Variants in ZNF462 observed in about 807,000 individuals in gnomAD.
ZNF462 encodes zinc finger PBX1-interacting protein.
A neutral mutation model predicts 201.9 loss-of-function variants in ZNF462; 10 were observed. The ratio of observed to expected loss-of-function variants is 0.05; its 90% CI spans 0.03 to 0.08. ZNF462 has a LOEUF of 0.08. Among genes scored for constraint, ZNF462 ranks in the 10% least tolerant of loss-of-function variants. ZNF462 has a pLI of 1.00. For synonymous variants in ZNF462, 1,227 were observed against 1,193.3 expected (o/e 1.03, Z -0.58); for missense variants, 2,523 against 3,168.3 (o/e 0.80, Z 4.89).
chr9:106,860,179 CG>C (rs1181807361), upstream of ZNF462, among the ~76,000 whole-genome samples: 2 of 152,054 alleles, frequency 1.3e-5, no homozygotes, highest in Non-Finnish European at 2.9e-5. The surrounding 1 kb of genome is among the most constrained non-coding windows in gnomAD (Gnocchi z 7.1). Context: ...CCCCCGCGGC[CG>C]GTTCGGGAGC....
At chr9:106,936,044 A>T (rs912412699) in intron 6 of ZNF462, among the ~76,000 whole-genome samples, 4 of 152,216 alleles carry the variant, frequency 2.6e-5, no homozygotes, top group Non-Finnish European at 5.9e-5. Context: ...GATGTGTGAG[A>T]TTTTTCAAGA....
intron 1 of ZNF462, among the ~76,000 whole-genome samples, 155 bp downstream of exon 1, chr9:106,863,510 G>A (rs1372360192): frequency 6.6e-6 from 1 of 151,004 alleles, no homozygotes; most frequent in Admixed American, 6.6e-5. Flanking sequence ...ACTGGCTGTT[G>A]GAAGAGGAGA....
In ZNF462 at chr9:106,933,958, T is replaced by C. The variant is rs1830524660; in HGVS notation, c.6116+1409T>C. ...ATAGTGAAAGATAAGGTCTAAATAC[T>C]TTAAAGGAGACCATATTTGGAGTTT... On this transcript the variant is annotated intron_variant, in intron 5 of 12. Transcript: ENST00000277225. This position sits in a 1 kb window ranked among gnomAD's most constrained non-coding sequence, Gnocchi z 4.3. Among the ~76,000 whole-genome samples the C allele has an allele frequency of 6.6e-6, 1 of 152,182 alleles. No homozygotes were observed. The highest frequency in any genetic ancestry group is 1.5e-5 in the Non-Finnish European group (1 of 68,030).
chr9:106,986,784 A>G (rs1012647147), intron 10 of ZNF462, among the ~76,000 whole-genome samples: 2 of 151,948 alleles, frequency 1.3e-5, no homozygotes, highest in African/African-American at 4.8e-5. Flanking sequence ...CTTCCTCCCA[A>G]GTCCCCAAAG....
At chr9:106,939,551 A>G (rs1372460531) in intron 7 of ZNF462, among the ~76,000 whole-genome samples, 1 of 152,166 alleles carries the variant, frequency 6.6e-6, no homozygotes, top group Non-Finnish European at 1.5e-5. Context: ...CAAAGGGTGA[A>G]TGAGTGGGGA....
chr9:106,965,134 G>A (rs1832012992), intron 7 of ZNF462, among the ~76,000 whole-genome samples: 1 of 152,078 alleles, frequency 6.6e-6, no homozygotes, highest in African/African-American at 2.4e-5. Flanking sequence ...CACAGAGGGT[G>A]TGACATTTCA....
intron 10 of ZNF462, among the ~76,000 whole-genome samples, chr9:106,997,916 C>T (rs1282482698): frequency 6.6e-6 from 1 of 151,982 alleles, no homozygotes; most frequent in Non-Finnish European, 1.5e-5. Flanking sequence ...TTTCACTTTC[C>T]CTAAATAAAG....
At chr9:106,988,291 C>T (rs780470487) in intron 10 of ZNF462, among the ~76,000 whole-genome samples, 1 of 152,046 alleles carries the variant, frequency 6.6e-6, no homozygotes, top group Non-Finnish European at 1.5e-5. Context: ...GACACAAAAG[C>T]GGAAACCCCT....
At chr9:106,891,700 C>T (rs1439644459) in intron 1 of ZNF462, among the ~76,000 whole-genome samples, 1 of 152,116 alleles carries the variant, frequency 6.6e-6, no homozygotes, top group East Asian at 1.9e-4. Context: ...CTCTCCACAC[C>T]CTTGATTATA....
Position 106,929,068 on chromosome 9 carries a change from G to A in ZNF462, c.5156G>A (p.Arg1719His). 1.2e-6 allele frequency: 2 copies of A among 1,614,074 alleles called. No individual in the cohort carries two copies. The highest frequency in any genetic ancestry group is 1.7e-6 in the Non-Finnish European group (2 of 1,180,024). Residue 1719 changes from arginine to histidine, a missense_variant, in exon 3 of 13, where the codon CGC becomes CAC. Physicochemically the swap from Arg to His is conservative, Grantham distance 29. This residue lies in a region of ZNF462 where 17 missense variants were observed against 57.6 expected (regional missense o/e 0.29). Coordinates refer to ENST00000277225, the MANE Select transcript of ZNF462 (RefSeq NM_021224.6). The surrounding 1 kb of genome is among the most constrained non-coding windows in gnomAD (Gnocchi z 8.7). ...GGTCTGGCAGCCCACTACCAGAAGC[G>A]CCACGACATTGATGCGTATTACACT... ...RKGLAAHYQK[R>H]HDIDAYYTHC...
chr9:106,997,109 T>TC (rs1828791516), intron 10 of ZNF462, among the ~76,000 whole-genome samples: 2 of 150,730 alleles, frequency 1.3e-5, no homozygotes, highest in African/African-American at 2.5e-5. Context: ...TTTTCTTTCT[T>TC]TCCCCCCCCA....
intron 1 of ZNF462, among the ~76,000 whole-genome samples, chr9:106,918,544 A>G (rs1829870712): frequency 6.6e-6 from 1 of 152,220 alleles, no homozygotes; most frequent in African/African-American, 2.4e-5. Flanking sequence ...ACAAGTGTAA[A>G]TGATTAGTAG....
rs902162499 is a variant in ZNF462, at chr9:106,885,918, G to A, written c.-31+22563G>A. Among the ~76,000 whole-genome samples the A allele has an allele frequency of 6.6e-6, 1 of 152,186 alleles. No homozygotes were observed. Among genetic ancestry groups the A allele is most frequent in the South Asian group, 2.1e-4 (1 of 4,826 alleles). On this transcript the variant is annotated intron_variant, in intron 1 of 12. Transcript: ENST00000277225. This position sits in a 1 kb window ranked among gnomAD's most constrained non-coding sequence, Gnocchi z 4.1. ...GGAGAGAAGGGGAGGATGCCAGAGA[G>A]AGTCATGTTCTGATAATTATTTGCT...
chr9:106,980,500 GT>G (rs1349719836), intron 9 of ZNF462, among the ~76,000 whole-genome samples: 1 of 152,130 alleles, frequency 6.6e-6, no homozygotes, highest in Non-Finnish European at 1.5e-5. Context: ...CTCTGCAGTG[GT>G]GTGGTTTCTC....
In ZNF462 at chr9:106,924,141, G is replaced by T; in HGVS notation, c.229G>T (p.Ala77Ser). 6.3e-7 allele frequency: 1 copy of T among 1,592,504 alleles called. No individual in the cohort carries two copies. The change falls in exon 3 of 13, where the codon GCA (alanine) becomes TCA (serine). Residue 77 changes from alanine (A) to serine (S), a missense_variant. Physicochemically the swap from Ala to Ser is moderately conservative, Grantham distance 99 (BLOSUM62 1). Transcript: ENST00000277225. The surrounding 1 kb of genome is among the most constrained non-coding windows in gnomAD (Gnocchi z 6.2). Reference protein sequence around the residue: ...AIAEDLSGQNATSLGTGGYYG... With the variant: ...AIAEDLSGQNSTSLGTGGYYG... ...TTATGCTTTTTCTTTAGGTCAAAAT[G>T]CAACTTCATTGGGGACCGGAGGTTA...
Position 107,008,844 on chromosome 9 carries a change from TACC to T in ZNF462, c.7190-696_7190-694del, listed in dbSNP as rs1313270443. 2.0e-5 allele frequency among the ~76,000 whole-genome samples: 3 copies of T among 152,348 alleles called. No individual in the cohort carries two copies. The highest frequency in any genetic ancestry group is 3.9e-4 in the East Asian group (2 of 5,184). On this transcript the variant is annotated intron_variant, in intron 11 of 12. Transcript: ENST00000277225. The surrounding 1 kb of genome is among the most constrained non-coding windows in gnomAD (Gnocchi z 4.8). ...GTCTGCATATCCCCGTATTCATGAA[TACC>T]ACCAATTGAGGGGTAGGTGCCAGGC...
intron 1 of ZNF462, among the ~76,000 whole-genome samples, chr9:106,868,122 T>C (rs1827427088): frequency 6.6e-6 from 1 of 152,098 alleles, no homozygotes; most frequent in African/African-American, 2.4e-5. Flanking sequence ...CTTGTGAGTT[T>C]CACATACTTA....
At chr9:106,914,704 T>A (rs1310991929) in intron 1 of ZNF462, among the ~76,000 whole-genome samples, 1 of 152,022 alleles carries the variant, frequency 6.6e-6, no homozygotes, top group Admixed American at 6.6e-5. Context: ...TGTGTTCTGG[T>A]GGGAAGAAAA....
chr9:106,876,702 T>C lies in ZNF462; in HGVS notation c.-31+13347T>C, dbSNP rs60213056. ...TGCAGAGCTATTCCCTGGAGTGTTG[T>C]AGGGGAACAATTTTTAATAAACATG... On this transcript the variant is annotated intron_variant, in intron 1 of 12. Transcript: ENST00000277225. The surrounding 1 kb of genome is among the most constrained non-coding windows in gnomAD (Gnocchi z 4.9). Among the ~76,000 whole-genome samples the C allele has an allele frequency of 5.9e-3, 905 of 152,302 alleles. 8 individuals carry two copies. The highest frequency in any genetic ancestry group is 0.021 in the African/African-American group (859 of 41,550).
Sources: allele counts gnomAD v4.1 joint callset (sites outside exome capture counted in the v4.1 genomes callset), GRCh38; gene constraint gnomAD v4.1.1; regional missense constraint gnomAD v4.1.1; non-coding constraint Gnocchi (gnomAD v3.1); transcripts MANE v1.5; gene names NCBI Gene and HGNC (gene_info 2026-07-23, HGNC 2026-07-21).